Variants in TOX2 observed in about 807,000 individuals in gnomAD.
TOX2 encodes TOX high mobility group box family member 2.
Under a neutral mutation model 47.4 loss-of-function variants are expected in TOX2, and 15 were observed. The ratio of observed to expected loss-of-function variants is 0.32; its 90% CI spans 0.21 to 0.49. The LOEUF (loss-of-function observed/expected upper bound fraction) is 0.49. Ranked by LOEUF, TOX2 falls within the 20% of genes least tolerant of loss-of-function variation. TOX2 has a pLI of 0.99. For missense variants in TOX2, 622 were observed against 673.1 expected (o/e 0.92, Z 0.84); for synonymous variants, 290 against 296.6 (o/e 0.98, Z 0.23).
Position 44,065,940 on chromosome 20 carries a change from C to T in TOX2, c.1189C>T (p.Pro397Ser), listed in dbSNP as rs1600807041. The stretch of plus-strand genomic sequence containing the variant: ...GTCCCCGCCGCCGCCACCCTCCTTC[C>T]CGCTCAGCCCCACACTGCACCAGCA... ...SASPPPPPSFPLSPTLHQQLS... is the reference protein window; with the variant it reads ...SASPPPPPSFSLSPTLHQQLS... The change falls in exon 7 of 9, where the codon CCG (proline) becomes TCG (serine). Residue 397 changes from proline (P) to serine (S), a missense_variant. Pro to Ser is a moderately conservative substitution (Grantham distance 74). Coordinates refer to ENST00000341197, the MANE Select transcript of TOX2 (RefSeq NM_001098797.2). The T allele has an allele frequency of 6.2e-7, 1 of 1,612,292 alleles. No homozygotes were observed. The highest frequency in any genetic ancestry group is 2.2e-5 in the East Asian group (1 of 44,856).
chr20:44,001,331 G>T (rs1237327559), intron 2 of TOX2, among the ~76,000 whole-genome samples: 2 of 152,164 alleles, frequency 1.3e-5, no homozygotes, highest in African/African-American at 4.8e-5. Context: ...CTTCTCTACA[G>T]AACACATATG....
At chr20:43,937,313 C>G (rs1285441280) in intron 1 of TOX2, among the ~76,000 whole-genome samples, 3 of 152,168 alleles carry the variant, frequency 2.0e-5, no homozygotes, top group Non-Finnish European at 4.4e-5. Flanking sequence ...CAAAGGTCCC[C>G]TGAGCATTTC....
chr20:44,028,124 C>T (rs984151006), intron 3 of TOX2, among the ~76,000 whole-genome samples: 3 of 152,206 alleles, frequency 2.0e-5, no homozygotes, highest in Non-Finnish European at 2.9e-5. Context: ...GAAAAAATAA[C>T]AGGGTGTCAG....
At chr20:43,945,422 C>G (rs117925732) in intron 1 of TOX2, among the ~76,000 whole-genome samples, 2 of 152,358 alleles carry the variant, frequency 1.3e-5, no homozygotes, top group East Asian at 3.9e-4. Context: ...CTCTAATTCT[C>G]TCTGTAACAA....
intron 1 of TOX2, among the ~76,000 whole-genome samples, chr20:43,924,789 T>C (rs536429615): frequency 1.3e-5 from 2 of 152,316 alleles, no homozygotes; most frequent in African/African-American, 4.8e-5. Flanking sequence ...TAAAAATTGA[T>C]TTTGCTCTTT....
intron 3 of TOX2, among the ~76,000 whole-genome samples, chr20:44,048,388 T>TATATATATATATATATATATATATATATA (rs1555845974): frequency 9.2e-5 from 8 of 86,842 alleles, no homozygotes; most frequent in African/African-American, 3.2e-4. Context: ...TAAAATGAAT[T>TATATATATATATATATATATATATATATA]TATATATATA....
At chr20:44,045,606 G>GTGT (rs2145732483) in intron 3 of TOX2, among the ~76,000 whole-genome samples, 1 of 152,290 alleles carries the variant, frequency 6.6e-6, no homozygotes, top group East Asian at 1.9e-4. Flanking sequence ...GTTTTCTAAA[G>GTGT]TGTTTTACAT....
At chr20:43,922,246 CATT>C (rs1339616174) in intron 1 of TOX2, among the ~76,000 whole-genome samples, 3 of 152,182 alleles carry the variant, frequency 2.0e-5, no homozygotes, top group Non-Finnish European at 1.5e-5. Flanking sequence ...GACCTAATAA[CATT>C]GTTGTGGGAG....
chr20:44,041,567 T>C (rs967021416), intron 3 of TOX2, among the ~76,000 whole-genome samples: 2 of 152,236 alleles, frequency 1.3e-5, no homozygotes, highest in African/African-American at 4.8e-5. Flanking sequence ...TCTCTCTGAC[T>C]GTGAGACCCT....
Position 44,055,072 on chromosome 20 carries a change from G to A in TOX2, c.879+546G>A, listed in dbSNP as rs573070769. 5.3e-5 allele frequency among the ~76,000 whole-genome samples: 8 copies of A among 152,200 alleles called. No homozygotes were observed. The South Asian group carries it at 6.2e-4, about 12-fold the overall frequency. On this transcript the variant is annotated intron_variant, in intron 5 of 8. Transcript: ENST00000341197. ...CACATCTGGGCTGGGCTTTCCCCCC[G>A]GTATGTCACTGAATCCTTACAACAC...
At chr20:44,048,388 T>TTTTATATATATATATATATA (rs1555845973) in intron 3 of TOX2, among the ~76,000 whole-genome samples, 2 of 86,848 alleles carry the variant, frequency 2.3e-5, no homozygotes, top group Admixed American at 1.2e-4. Flanking sequence ...TAAAATGAAT[T>TTTTATATATATATATATATA]TATATATATA....
At chr20:44,059,373 A>G (rs2071677095) in intron 5 of TOX2, among the ~76,000 whole-genome samples, 2 of 152,160 alleles carry the variant, frequency 1.3e-5, no homozygotes, top group South Asian at 4.1e-4. Flanking sequence ...GATTATGTTA[A>G]ATGACCAAAT....
chr20:43,958,909 G>A (rs542500271), intron 1 of TOX2, among the ~76,000 whole-genome samples: 21 of 152,340 alleles, frequency 1.4e-4, no homozygotes, highest in African/African-American at 4.3e-4. Flanking sequence ...ATCTTAGTGG[G>A]TCCACAGTGA....
intron 1 of TOX2, among the ~76,000 whole-genome samples, chr20:43,934,136 G>GGAGAGAGA (rs56662660): frequency 0.2 from 24,013 of 121,694 alleles, 3,108 homozygotes; most frequent in Non-Finnish European, 0.27. Context: ...CCCAAGGTAA[G>GGAGAGAGA]GAGAGAGAGA....
chr20:44,054,385 G>A lies in TOX2; in HGVS notation c.738G>A (p.Pro246=), dbSNP rs563538915. 3.2e-4 allele frequency: 516 copies of A among 1,611,926 alleles called. 5 individuals carry two copies. The South Asian group carries it at 5.2e-3, about 16-fold the overall frequency. The part of the protein sequence containing the change: ...KKKKKKDPNE[P]QKPVSAYALF... ...AGAAAAAGAAGGACCCCAATGAGCCGCAGAAGCCTGTGTCGGCCTACGCAC... is the reference window on the plus strand; with the variant it reads ...AGAAAAAGAAGGACCCCAATGAGCCACAGAAGCCTGTGTCGGCCTACGCAC... Residue 246 remains proline, a synonymous_variant, in exon 5 of 9, where the codon CCG becomes CCA. Coordinates refer to ENST00000341197, the MANE Select transcript of TOX2 (RefSeq NM_001098797.2).
intron 3 of TOX2, among the ~76,000 whole-genome samples, chr20:44,047,354 A>T (rs2071426103): frequency 6.6e-6 from 1 of 152,216 alleles, no homozygotes; most frequent in East Asian, 1.9e-4. Flanking sequence ...TGTTTCTGTT[A>T]CTAAAAAAGA....
At chr20:43,944,204 T>TGGGAGCC (rs2069436917) in intron 1 of TOX2, among the ~76,000 whole-genome samples, 1 of 152,246 alleles carries the variant, frequency 6.6e-6, no homozygotes, top group Non-Finnish European at 1.5e-5. Flanking sequence ...GGCCCCATGC[T>TGGGAGCC]GGGAGCCAGG....
chr20:43,989,053 A>C (rs996548747), intron 2 of TOX2, among the ~76,000 whole-genome samples: 1 of 152,140 alleles, frequency 6.6e-6, no homozygotes, highest in Non-Finnish European at 1.5e-5. Context: ...AGGCCGTGCT[A>C]TCCCCAGTGT....
At chr20:43,917,503 C>CTCGT (rs2069070586) in intron 1 of TOX2, among the ~76,000 whole-genome samples, 1 of 152,172 alleles carries the variant, frequency 6.6e-6, no homozygotes, top group South Asian at 2.1e-4. Flanking sequence ...AGACAAGAGG[C>CTCGT]TCGTTGCACA....
Sources: allele counts gnomAD v4.1 joint callset (sites outside exome capture counted in the v4.1 genomes callset), GRCh38; gene constraint gnomAD v4.1.1; transcripts MANE v1.5; gene names NCBI Gene and HGNC (gene_info 2026-07-23, HGNC 2026-07-21).